The following CACNA1E variants were observed in gnomAD, a reference collection of about 807,000 sequenced individuals.
The protein encoded by CACNA1E is voltage-dependent R-type calcium channel subunit alpha-1E.
Under a neutral mutation model 259.2 loss-of-function variants are expected in CACNA1E, and 40 were observed. The ratio of observed to expected loss-of-function variants is 0.15; its 90% CI spans 0.12 to 0.20. The LOEUF (loss-of-function observed/expected upper bound fraction) is 0.20, where lower values mean the gene tolerates loss of function less well. Among genes scored for constraint, CACNA1E ranks in the 10% least tolerant of loss-of-function variants. CACNA1E has a pLI of 1.00. For missense variants in CACNA1E, 1,874 were observed against 3,040.1 expected (o/e 0.62, Z 9.02); for synonymous variants, 1,104 against 1,138.5 (o/e 0.97, Z 0.61).
At position 181,758,939 on chromosome 1, in the gene CACNA1E, A is replaced by AGGG. The variant is rs2102699494; in HGVS notation, c.4605+73_4605+75dup. 2.3e-6 allele frequency: 2 copies of AGGG among 859,708 alleles called. No individual in the cohort carries two copies. The highest frequency in any genetic ancestry group is 3.0e-5 in the South Asian group (2 of 65,640). The allele number at this position is 859,708 out of a possible 1,614,324, so 53.3% of individuals were successfully genotyped here. A position where few individuals can be genotyped will look rare whatever the true frequency, so the allele number is the denominator to read the frequency against. On this transcript the variant is annotated intron_variant, in intron 32 of 47. Transcript: ENST00000367573. This position sits in a 1 kb window ranked among gnomAD's most constrained non-coding sequence, Gnocchi z 4.2. ...TGGGTGCCTTCCCAGTCTTTGTTGAAGGGGAGGTGGTTACTGCTATTCCAG... is the reference window on the plus strand; with the variant it reads ...TGGGTGCCTTCCCAGTCTTTGTTGAAGGGGGGGAGGTGGTTACTGCTATTCCAG...
At chr1:181,531,607 C>T (rs541921595) in intron 3 of CACNA1E, among the ~76,000 whole-genome samples, 4 of 152,352 alleles carry the variant, frequency 2.6e-5, no homozygotes, top group Non-Finnish European at 4.4e-5. Flanking sequence ...TACGCCTTAT[C>T]GTCCATGTTC....
chr1:181,555,729 G>A (rs998881947), intron 3 of CACNA1E, among the ~76,000 whole-genome samples: 1 of 152,136 alleles, frequency 6.6e-6, no homozygotes. Flanking sequence ...AAGGTCTAAG[G>A]GGCAGGAAAT....
intron 1 of CACNA1E, among the ~76,000 whole-genome samples, chr1:181,356,234 G>A (rs2101901506): frequency 6.6e-6 from 1 of 152,260 alleles, no homozygotes; most frequent in African/African-American, 2.4e-5. Flanking sequence ...TTGGAGCCGA[G>A]TTATTTTTCT....
chr1:181,468,592 C>T (rs1047201019), intron 2 of CACNA1E, among the ~76,000 whole-genome samples: 4 of 152,156 alleles, frequency 2.6e-5, no homozygotes, highest in African/African-American at 9.7e-5. Flanking sequence ...ATGAGCCAAG[C>T]CCCTTGTAGT....
At position 181,618,860 on chromosome 1, in the gene CACNA1E, A is replaced by G. The variant is rs1284346417; in HGVS notation, c.952-32478A>G. 4.6e-5 allele frequency among the ~76,000 whole-genome samples: 7 copies of G among 152,204 alleles called. 1 individual carries two copies. Among genetic ancestry groups the G allele is most frequent in the Admixed American group, 1.3e-4 (2 of 15,284 alleles). Reference sequence around the variant, plus strand: ...ACCTACAGCTGCTGAAAATTCATTTATGTTACACTTTAAGTTGTTCTCCAG... The same window carrying G: ...ACCTACAGCTGCTGAAAATTCATTTGTGTTACACTTTAAGTTGTTCTCCAG... On this transcript the variant is annotated intron_variant, in intron 6 of 47. Coordinates refer to ENST00000367573, the MANE Select transcript of CACNA1E (RefSeq NM_001205293.3).
intron 2 of CACNA1E, among the ~76,000 whole-genome samples, chr1:181,423,561 A>G (rs1658920537): frequency 6.6e-6 from 1 of 152,186 alleles, no homozygotes; most frequent in African/African-American, 2.4e-5. Flanking sequence ...CAACAGTCTC[A>G]CTGGCATTCA....
At chr1:181,325,590 A>G (rs1650712983) in intron 1 of CACNA1E, among the ~76,000 whole-genome samples, 3 of 152,356 alleles carry the variant, frequency 2.0e-5, no homozygotes, top group South Asian at 4.1e-4. Flanking sequence ...CCCTGTTAGA[A>G]GGATAACTGA....
chr1:181,566,679 T>A (rs1158526477), intron 3 of CACNA1E, among the ~76,000 whole-genome samples: 1 of 152,114 alleles, frequency 6.6e-6, no homozygotes, highest in Non-Finnish European at 1.5e-5. Flanking sequence ...AGGAGTTGTT[T>A]CAGGAAGAAA....
chr1:181,348,874 G>T (rs1393826766), intron 1 of CACNA1E, among the ~76,000 whole-genome samples: 2 of 152,172 alleles, frequency 1.3e-5, no homozygotes, highest in Non-Finnish European at 2.9e-5. Flanking sequence ...TTTCACAGAG[G>T]AAGAGCCTTC....
At position 181,776,415 on chromosome 1, in the gene CACNA1E, C is replaced by T; in HGVS notation, c.5267+187C>T. ...AGTCACCAAGGACTTCTGTATCCTCCTTTCCCCTCTCTTTCCTTCTGTGAC... is the reference window on the plus strand; with the variant it reads ...AGTCACCAAGGACTTCTGTATCCTCTTTTCCCCTCTCTTTCCTTCTGTGAC... On this transcript the variant is annotated intron_variant, in intron 38 of 47. Coordinates refer to ENST00000367573, the MANE Select transcript of CACNA1E (RefSeq NM_001205293.3). This position sits in a 1 kb window ranked among gnomAD's most constrained non-coding sequence, Gnocchi z 4.4. 4 of 582,552 alleles carry T rather than the reference C, an allele frequency of 6.9e-6. No individual in the cohort carries two copies. The highest frequency in any genetic ancestry group is 3.0e-5 in the Admixed American group (1 of 32,998). The allele number at this position is 582,552 out of a possible 1,614,324, so 36.1% of individuals were successfully genotyped here.
intron 1 of CACNA1E, among the ~76,000 whole-genome samples, chr1:181,399,506 T>C (rs1047148674): frequency 5.3e-5 from 8 of 152,204 alleles, no homozygotes; most frequent in East Asian, 3.8e-4. Context: ...ATCATCCTAA[T>C]AGAGCTATCT....
chr1:181,615,846 C>A (rs541705034), intron 6 of CACNA1E, among the ~76,000 whole-genome samples: 2 of 152,272 alleles, frequency 1.3e-5, no homozygotes, highest in South Asian at 4.1e-4. Context: ...ACTGTTTTCT[C>A]ATTAAACATG....
At chr1:181,796,901 G>T (rs776607006) in intron 47 of CACNA1E, 43 bp downstream of exon 47, 3 of 1,432,744 alleles carry the variant, frequency 2.1e-6, no homozygotes, top group Non-Finnish European at 2.8e-6. Flanking sequence ...AAGGACAGGG[G>T]AGGGTGGGCT....
At chr1:181,781,996 T>C (rs902104126) in intron 39 of CACNA1E, among the ~76,000 whole-genome samples, 2 of 152,214 alleles carry the variant, frequency 1.3e-5, no homozygotes, top group Non-Finnish European at 2.9e-5. Flanking sequence ...AAAATTCCTT[T>C]AAACAAGAAA....
At chr1:181,644,658 G>A (rs145128488) in intron 6 of CACNA1E, among the ~76,000 whole-genome samples, 159 of 152,276 alleles carry the variant, frequency 1.0e-3, no homozygotes, top group Non-Finnish European at 1.6e-3. Context: ...AACTGATTGT[G>A]AAACTGAGCT....
intron 3 of CACNA1E, among the ~76,000 whole-genome samples, chr1:181,570,702 A>C (rs1053776069): frequency 3.9e-5 from 6 of 152,164 alleles, no homozygotes; most frequent in Non-Finnish European, 1.5e-5. Context: ...ATGCAGAATA[A>C]CTTGCTTCTG....
intron 15 of CACNA1E, among the ~76,000 whole-genome samples, 176 bp from the exon 16 acceptor site, chr1:181,721,582 A>C (rs1036470798): frequency 6.6e-6 from 1 of 152,074 alleles, no homozygotes; most frequent in South Asian, 2.1e-4. Context: ...TTTCCATACG[A>C]AAAAAAAGTT....
rs182752141 is a variant in CACNA1E at position 181,542,062 on chromosome 1, A to G, written c.512+30552A>G. Among the ~76,000 whole-genome samples, 12 of 152,294 alleles carry G rather than the reference A, an allele frequency of 7.9e-5. No individual in the cohort carries two copies. The East Asian group carries it at 9.7e-4, about 12-fold the overall frequency. On this transcript the variant is annotated intron_variant, in intron 3 of 47. Coordinates refer to ENST00000367573, the MANE Select transcript of CACNA1E (RefSeq NM_001205293.3). ...ATCATGAGGACACTCAAGGAGCCCT[A>G]TGGAAAGTCACATGATCAGGAACTG...
chr1:181,693,182 G>A (rs1651373308), intron 7 of CACNA1E, among the ~76,000 whole-genome samples: 1 of 149,742 alleles, frequency 6.7e-6, no homozygotes. Flanking sequence ...CAGAGAGAAG[G>A]GAATGCTTAT....
Sources: allele counts gnomAD v4.1 joint callset (sites outside exome capture counted in the v4.1 genomes callset), GRCh38; gene constraint gnomAD v4.1.1; non-coding constraint Gnocchi (gnomAD v3.1); transcripts MANE v1.5; gene names NCBI Gene and HGNC (gene_info 2026-07-23, HGNC 2026-07-21).